The following CACNA2D2 variants were observed in gnomAD, a reference collection of about 807,000 sequenced individuals.
CACNA2D2 encodes voltage-dependent calcium channel subunit alpha-2/delta-2.
CACNA2D2 carries 48 observed loss-of-function variants against 166.4 expected under a neutral mutation model. That is an observed-to-expected ratio of 0.29 (90% CI 0.23 to 0.37). The LOEUF is 0.37. CACNA2D2 is among the 10% of genes least tolerant of loss of function. CACNA2D2 has a pLI of 1.00. For synonymous variants in CACNA2D2, 561 were observed against 573.7 expected (o/e 0.98, Z 0.32); for missense variants, 1,122 against 1,433.0 (o/e 0.78, Z 3.50).
intron 4 of CACNA2D2, among the ~76,000 whole-genome samples, chr3:50,388,638 C>G (rs587619501): frequency 6.6e-6 from 1 of 152,226 alleles, no homozygotes; most frequent in African/African-American, 2.4e-5. Context: ...CCCGGACACC[C>G]GCTTCCCAAG....
chr3:50,474,434 G>T (rs1710225013), intron 2 of CACNA2D2, among the ~76,000 whole-genome samples: 1 of 152,144 alleles, frequency 6.6e-6, no homozygotes, highest in Non-Finnish European at 1.5e-5. Context: ...GCTCACCCAG[G>T]GGCACATGAT....
chr3:50,481,641 T>C (rs1698061640), intron 1 of CACNA2D2, among the ~76,000 whole-genome samples: 1 of 152,132 alleles, frequency 6.6e-6, no homozygotes, highest in South Asian at 2.1e-4. Context: ...CCCACGTCTC[T>C]TGCTTCTCTC....
At chr3:50,403,904 C>A (rs774041364) in intron 3 of CACNA2D2, among the ~76,000 whole-genome samples, 42 of 152,232 alleles carry the variant, frequency 2.8e-4, no homozygotes, top group Non-Finnish European at 5.4e-4. Context: ...TGGGTTCCCA[C>A]AATTGCCCTG....
At chr3:50,395,007 C>T (rs1380768514) in intron 3 of CACNA2D2, among the ~76,000 whole-genome samples, 1 of 152,174 alleles carries the variant, frequency 6.6e-6, no homozygotes, top group Non-Finnish European at 1.5e-5. Flanking sequence ...GGGCCTAAGT[C>T]CGGGTCACCC....
In CACNA2D2 at chr3:50,366,629, C is replaced by T. The variant is rs777251572; in HGVS notation, c.2590-4G>A. 6.2e-7 allele frequency: 1 copy of T among 1,613,882 alleles called. No homozygotes were observed. The highest frequency in any genetic ancestry group is 8.5e-7 in the Non-Finnish European group (1 of 1,179,998). On this transcript the variant is annotated splice_polypyrimidine_tract_variant and splice_region_variant and intron_variant, in intron 29 of 37. Transcript: ENST00000424201. The surrounding 1 kb of genome is among the most constrained non-coding windows in gnomAD (Gnocchi z 5.9). Reference sequence around the variant, plus strand: ...CACAGTGGCTGTTGGGGCCGCACTGCTGGGCAGAGAGTGAGGACCGTAAGC... The same window carrying T: ...CACAGTGGCTGTTGGGGCCGCACTGTTGGGCAGAGAGTGAGGACCGTAAGC...
chr3:50,418,000 G>C (rs1707346293), intron 3 of CACNA2D2, among the ~76,000 whole-genome samples: 1 of 152,166 alleles, frequency 6.6e-6, no homozygotes, highest in African/African-American at 2.4e-5. Flanking sequence ...ACACATCCCT[G>C]CCTGTATCAG....
chr3:50,484,199 A>C (rs1019324558), intron 1 of CACNA2D2, among the ~76,000 whole-genome samples: 3 of 152,066 alleles, frequency 2.0e-5, no homozygotes, highest in African/African-American at 7.2e-5. Context: ...ACCCACATCC[A>C]ATCTATCAGC....
intron 2 of CACNA2D2, among the ~76,000 whole-genome samples, chr3:50,469,305 C>CA (rs1709964634): frequency 6.6e-6 from 1 of 152,184 alleles, no homozygotes; most frequent in South Asian, 2.1e-4. Context: ...CCAAAGAAAT[C>CA]ACGTACCCTT....
rs1029443934 is a variant in CACNA2D2, at chr3:50,380,829, G to A, written c.785-24C>T. 1.3e-6 allele frequency: 2 copies of A among 1,541,446 alleles called. No homozygotes were observed. The highest frequency in any genetic ancestry group is 1.7e-6 in the Non-Finnish European group (2 of 1,143,870). ...GGCTGAGGGAGGAGAGAAGGTGAGG[G>A]GGACTGGCAGGAAAGGGCTGGCCTG... On this transcript the variant is annotated intron_variant, in intron 7 of 37. Transcript: ENST00000424201. The surrounding 1 kb of genome is among the most constrained non-coding windows in gnomAD (Gnocchi z 4.9).
chr3:50,391,747 T>C (rs927922186), intron 4 of CACNA2D2, among the ~76,000 whole-genome samples: 16 of 152,224 alleles, frequency 1.1e-4, no homozygotes, highest in African/African-American at 3.9e-4. Context: ...GGTTTGCATC[T>C]GGACCTGCTG....
In CACNA2D2 at chr3:50,381,170, G is replaced by T. The variant is rs750741999; in HGVS notation, c.653-44C>A. 3.1e-6 allele frequency: 5 copies of T among 1,608,658 alleles called. No homozygotes were observed. In the South Asian group the frequency reaches 3.3e-5, roughly 11 times the overall value. ...CTGGGGTGGGGAGCACCTGGGCTGT[G>T]TCCTGTCGAACCCACCACCACGACA... On this transcript the variant is annotated intron_variant, in intron 6 of 37. Transcript: ENST00000424201.
chr3:50,482,217 G>GCTGGTCCCTCCC (rs1327830603), intron 1 of CACNA2D2, among the ~76,000 whole-genome samples: 1 of 152,168 alleles, frequency 6.6e-6, no homozygotes, highest in Non-Finnish European at 1.5e-5. Flanking sequence ...TTGGAACAAG[G>GCTGGTCCCTCCC]CTGGTCCCTC....
At chr3:50,370,293 A>T in intron 23 of CACNA2D2, 27 bp downstream of exon 23, 1 of 1,553,432 alleles carries the variant, frequency 6.4e-7, no homozygotes, top group Non-Finnish European at 8.7e-7. Context: ...AGGGGAGGAC[A>T]CCTCAGCAAG....
chr3:50,370,077 A>T (rs1704572047), intron 23 of CACNA2D2, among the ~76,000 whole-genome samples: 1 of 152,164 alleles, frequency 6.6e-6, no homozygotes, highest in South Asian at 2.1e-4. Context: ...TCAGCAGATG[A>T]GTCTGGAGCC....
intron 2 of CACNA2D2, among the ~76,000 whole-genome samples, chr3:50,459,901 C>T (rs1267020185): frequency 6.6e-6 from 1 of 151,238 alleles, no homozygotes; most frequent in East Asian, 1.9e-4. Flanking sequence ...GGGGGTTCTG[C>T]CTTCTCACCC....
chr3:50,409,793 T>A (rs1202542304), intron 3 of CACNA2D2, among the ~76,000 whole-genome samples: 1 of 152,198 alleles, frequency 6.6e-6, no homozygotes, highest in Non-Finnish European at 1.5e-5. Flanking sequence ...GAAGTGGGCC[T>A]CTGGCTGGCT....
At chr3:50,386,570 G>A (rs587730688) in intron 5 of CACNA2D2, among the ~76,000 whole-genome samples, 98 of 152,292 alleles carry the variant, frequency 6.4e-4, no homozygotes, top group African/African-American at 2.1e-3. Flanking sequence ...AGCCCACCCC[G>A]CTCCGTCTCG....
rs1361937932 is a variant in CACNA2D2 at position 50,363,286 on chromosome 3, GCAACATGA to G, written c.*1372_*1379del. ...CACACACACACTGAGAAAGCGACAA[GCAACATGA>G]CATTAATTAACGAAGCCATTAATTA... On this transcript the variant is annotated 3_prime_UTR_variant, in exon 38 of 38. Transcript: ENST00000424201. 1 of 398,700 alleles carries G rather than the reference GCAACATGA, an allele frequency of 2.5e-6. No individual in the cohort carries two copies. The highest frequency in any genetic ancestry group is 4.4e-6 in the Non-Finnish European group (1 of 226,072). The allele number at this position is 398,700 out of a possible 1,614,324, so 24.7% of individuals were successfully genotyped here. A position where few individuals can be genotyped will look rare whatever the true frequency, so the allele number is the denominator to read the frequency against.
intron 6 of CACNA2D2, 74 bp downstream of exon 6, chr3:50,384,122 T>A: frequency 6.3e-7 from 1 of 1,576,926 alleles, no homozygotes; most frequent in South Asian, 1.2e-5. Context: ...CCCCAGGGAC[T>A]CTGGAATGCC....
Sources: allele counts gnomAD v4.1 joint callset (sites outside exome capture counted in the v4.1 genomes callset), GRCh38; gene constraint gnomAD v4.1.1; non-coding constraint Gnocchi (gnomAD v3.1); transcripts MANE v1.5; gene names NCBI Gene and HGNC (gene_info 2026-07-23, HGNC 2026-07-21).